TMEM170A: variants seen among roughly 807,000 people sequenced by gnomAD.
TMEM170A encodes the protein transmembrane protein 170.
A neutral mutation model predicts 12.8 loss-of-function variants in TMEM170A; 18 were observed. The ratio of observed to expected loss-of-function variants is 1.41; its 90% CI spans 0.97 to 2.09. The LOEUF (loss-of-function observed/expected upper bound fraction) is 2.09. Among genes scored for constraint, TMEM170A ranks in the 30% most tolerant of loss-of-function variants. TMEM170A has a pLI of 0.00. For missense variants in TMEM170A, 220 were observed against 179.9 expected, an observed-to-expected ratio of 1.22 and a Z score of -1.28; for synonymous variants, 107 against 76.2, an observed-to-expected ratio of 1.40 and a Z score of -2.11.
chr16:75,453,395 C>T (rs888834975), intron 1 of TMEM170A, among the ~76,000 whole-genome samples: 2 of 152,194 alleles, frequency 1.3e-5, no homozygotes, highest in Non-Finnish European at 2.9e-5. Flanking sequence ...GATCATGCTA[C>T]TGCACTCCTG....
rs537761173 is a variant in TMEM170A at position 75,457,762 on chromosome 16, C to G, written c.134-5923G>C. ...TGTAAACAGCGTCCGGCATACACAG[C>G]AGGCCAACACCTCTCTGAGGTTCTG... On this transcript the variant is annotated intron_variant, in intron 1 of 2. Transcript: ENST00000561878. 5.3e-5 allele frequency among the ~76,000 whole-genome samples: 8 copies of G among 152,328 alleles called. No homozygotes were observed. In the East Asian group the frequency reaches 1.5e-3, roughly 29 times the overall value.
chr16:75,453,834 A>T (rs1446144135), intron 1 of TMEM170A, among the ~76,000 whole-genome samples: 2 of 152,252 alleles, frequency 1.3e-5, no homozygotes, highest in African/African-American at 4.8e-5. Context: ...TCAACTATGT[A>T]TGAAAAACTA....
chr16:75,457,392 C>T (rs1345444196), intron 1 of TMEM170A, among the ~76,000 whole-genome samples: 1 of 152,182 alleles, frequency 6.6e-6, no homozygotes, highest in African/African-American at 2.4e-5. Context: ...TTAAACCCTA[C>T]AGGACTGTGG....
Position 75,447,578 on chromosome 16 carries a change from G to A in TMEM170A, c.415C>T (p.Arg139Trp), listed in dbSNP as rs866859132. Residue 139 changes from arginine to tryptophan, a missense_variant, in exon 3 of 3, where the codon CGG becomes TGG. By Grantham distance (101) the Arg-to-Trp change is moderately radical. Transcript: ENST00000561878. ...GTATGCTATAGAGTAGCTAAAATCC[G>A]TAAAAAGGAGACCACCAAGACGCAA... ...TFCVLVVSFLRILATL is the reference protein window; with the variant it reads ...TFCVLVVSFLWILATL 2.5e-5 allele frequency: 41 copies of A among 1,612,586 alleles called. No homozygotes were observed. The highest frequency in any genetic ancestry group is 2.0e-4 in the Admixed American group (12 of 59,676).
intron 1 of TMEM170A, among the ~76,000 whole-genome samples, chr16:75,461,262 C>T (rs1410928130): frequency 3.3e-5 from 5 of 151,710 alleles, no homozygotes; most frequent in African/African-American, 1.2e-4. Flanking sequence ...CCACGTTGGC[C>T]AGGCTAGTCT....
At position 75,447,338 on chromosome 16, in the gene TMEM170A, G is replaced by C; in HGVS notation, c.*220C>G. On this transcript the variant is annotated 3_prime_UTR_variant, in exon 3 of 3. Transcript: ENST00000561878. The stretch of plus-strand genomic sequence containing the variant: ...AAATCAAATATCTACAAAAAAGAAA[G>C]CCAAAAGACTTGTTTTGGTTGAGAA... The C allele has an allele frequency of 2.6e-6, 1 of 379,008 alleles. No individual in the cohort carries two copies. Among genetic ancestry groups the C allele is most frequent in the Non-Finnish European group, 4.5e-6 (1 of 222,570 alleles). 23.5% of individuals were successfully genotyped at this position (379,008 alleles called of 1,614,324 possible). A position where few individuals can be genotyped will look rare whatever the true frequency, so the allele number is the denominator to read the frequency against.
intron 1 of TMEM170A, among the ~76,000 whole-genome samples, chr16:75,463,666 T>C (rs1011110103): frequency 6.6e-6 from 1 of 152,252 alleles, no homozygotes; most frequent in African/African-American, 2.4e-5. Context: ...TCTAGTCTTC[T>C]TGCCTTTCAA....
chr16:75,464,717 A>G (rs1160975092), upstream of TMEM170A: 16 of 1,359,218 alleles, frequency 1.2e-5, no homozygotes, highest in Admixed American at 6.8e-5. Context: ...TCTTCCCCCA[A>G]TCCCAACGGC....
intron 2 of TMEM170A, chr16:75,451,320 T>G (rs1234616216): frequency 2.9e-6 from 1 of 347,614 alleles, no homozygotes; most frequent in Non-Finnish European, 5.2e-6. Flanking sequence ...GAGGCCAAGG[T>G]GGGCAGATTG....
In TMEM170A at chr16:75,447,371, A is replaced by C. The variant is rs78356265; in HGVS notation, c.*187T>G. On this transcript the variant is annotated 3_prime_UTR_variant, in exon 3 of 3. Coordinates refer to ENST00000561878, the MANE Select transcript of TMEM170A (RefSeq NM_145254.3). ...ACTTGTTTTGGTTGAGAACAATAGG[A>C]GTCCACATAAGTCTTCAATTCTAGG... The C allele has an allele frequency of 1.6e-3, 798 of 490,280 alleles. 7 individuals carry two copies. Among genetic ancestry groups the C allele is most frequent in the African/African-American group, 0.012 (626 of 50,190 alleles). The allele number at this position is 490,280 out of a possible 1,614,324, so 30.4% of individuals were successfully genotyped here.
Position 75,447,374 on chromosome 16 carries a change from CCACA to C in TMEM170A, c.*180_*183del. 1 of 527,436 alleles carries C rather than the reference CCACA, an allele frequency of 1.9e-6. No homozygotes were observed. Among genetic ancestry groups the C allele is most frequent in the Non-Finnish European group, 3.0e-6 (1 of 333,978 alleles). 32.7% of individuals were successfully genotyped at this position (527,436 alleles called of 1,614,324 possible). A position where few individuals can be genotyped will look rare whatever the true frequency, so the allele number is the denominator to read the frequency against. On this transcript the variant is annotated 3_prime_UTR_variant, in exon 3 of 3. Coordinates refer to ENST00000561878, the MANE Select transcript of TMEM170A (RefSeq NM_145254.3). ...TGTTTTGGTTGAGAACAATAGGAGT[CCACA>C]TAAGTCTTCAATTCTAGGAGCTTCA... is the stretch of plus-strand genomic sequence containing the variant.
Position 75,447,510 on chromosome 16 carries a change from G to A in TMEM170A, c.*48C>T. On this transcript the variant is annotated 3_prime_UTR_variant, in exon 3 of 3. Transcript: ENST00000561878. The stretch of plus-strand genomic sequence containing the variant: ...CTACACTCCATAATGTATTCTTTTG[G>A]AGGATTCCATAAAGTTTAAGTTCAA... 1 of 1,567,196 alleles carries A rather than the reference G, an allele frequency of 6.4e-7. No individual in the cohort carries two copies. Among genetic ancestry groups the A allele is most frequent in the Non-Finnish European group, 8.6e-7 (1 of 1,160,678 alleles).
chr16:75,455,946 G>A (rs1163790059), intron 1 of TMEM170A, among the ~76,000 whole-genome samples: 3 of 152,182 alleles, frequency 2.0e-5, no homozygotes, highest in African/African-American at 2.4e-5. Context: ...TACTGAAGCT[G>A]TATTAGCACT....
Position 75,451,411 on chromosome 16 carries a change from T to C in TMEM170A, c.304+258A>G, listed in dbSNP as rs1032168856. On this transcript the variant is annotated intron_variant, in intron 2 of 2. Transcript: ENST00000561878. ...AAATACAAAAAAAATTAGCGGGGCA[T>C]GGTGGCACACCCCTGTAGTCCAAGC... The C allele has an allele frequency of 5.4e-6, 3 of 560,446 alleles. No individual in the cohort carries two copies. The Admixed American group carries it at 9.9e-5, about 18-fold the overall frequency. The allele number at this position is 560,446 out of a possible 1,614,324, so 34.7% of individuals were successfully genotyped here.
chr16:75,449,135 C>T (rs1003308932), intron 2 of TMEM170A, among the ~76,000 whole-genome samples: 2 of 152,066 alleles, frequency 1.3e-5, no homozygotes, highest in African/African-American at 4.8e-5. Flanking sequence ...AGATGACCCT[C>T]CCCACAAAAT....
At chr16:75,455,220 G>A (rs1362186051) in intron 1 of TMEM170A, among the ~76,000 whole-genome samples, 1 of 152,050 alleles carries the variant, frequency 6.6e-6, no homozygotes, top group Non-Finnish European at 1.5e-5. Context: ...AGCTGGGCAA[G>A]GCAGCGGGCA....
intron 1 of TMEM170A, among the ~76,000 whole-genome samples, chr16:75,452,389 T>C (rs2079705346): frequency 6.6e-6 from 1 of 152,162 alleles, no homozygotes. Flanking sequence ...CGCCTCAGCC[T>C]CCGGAGTGGC....
intron 1 of TMEM170A, chr16:75,464,258 C>T (rs964244344): frequency 1.1e-5 from 17 of 1,497,872 alleles, no homozygotes; most frequent in Non-Finnish European, 1.4e-5. Flanking sequence ...CATCTCACGC[C>T]CAGCGGGACT....
intron 1 of TMEM170A, among the ~76,000 whole-genome samples, chr16:75,457,104 T>A (rs1010158060): frequency 6.6e-6 from 1 of 152,072 alleles, no homozygotes; most frequent in African/African-American, 2.4e-5. Flanking sequence ...GTCTGCCCCA[T>A]ACTGACCTGA....
Sources: allele counts gnomAD v4.1 joint callset (sites outside exome capture counted in the v4.1 genomes callset), GRCh38; gene constraint gnomAD v4.1.1; transcripts MANE v1.5; gene names NCBI Gene and HGNC (gene_info 2026-07-23, HGNC 2026-07-21).